IMMP2L: variants seen among roughly 807,000 people sequenced by gnomAD.
IMMP2L encodes the protein inner mitochondrial membrane peptidase subunit 2.
A neutral mutation model predicts 19.3 loss-of-function variants in IMMP2L; 18 were observed. The ratio of observed to expected loss-of-function variants is 0.93; its 90% CI spans 0.64 to 1.38. IMMP2L has a LOEUF of 1.38. Ranked by LOEUF, IMMP2L falls within the 40% of genes most tolerant of loss-of-function variation. IMMP2L has a pLI of 0.00. For synonymous variants in IMMP2L, 76 were observed against 73.0 expected (o/e 1.04, Z -0.21); for missense variants, 233 against 218.2 (o/e 1.07, Z -0.43).
At chr7:111,258,820 T>C (rs1484527588) in intron 3 of IMMP2L, among the ~76,000 whole-genome samples, 3 of 152,090 alleles carry the variant, frequency 2.0e-5, no homozygotes, top group Non-Finnish European at 4.4e-5. Context: ...AAACATATTT[T>C]TGAAATAAAT....
At chr7:110,738,722 A>G (rs1796803293) in intron 5 of IMMP2L, among the ~76,000 whole-genome samples, 1 of 152,170 alleles carries the variant, frequency 6.6e-6, no homozygotes, top group African/African-American at 2.4e-5. Flanking sequence ...CTCAAAGAAC[A>G]CCTGGGAAAT....
chr7:110,852,718 C>T (rs989923168), intron 5 of IMMP2L, among the ~76,000 whole-genome samples: 1 of 151,968 alleles, frequency 6.6e-6, no homozygotes, highest in Non-Finnish European at 1.5e-5. Context: ...GTTCAGAGGG[C>T]CTGGATCATG....
intron 3 of IMMP2L, among the ~76,000 whole-genome samples, chr7:111,256,339 A>C (rs1453824539): frequency 6.6e-6 from 1 of 152,122 alleles, no homozygotes; most frequent in East Asian, 1.9e-4. Flanking sequence ...CATATGAACT[A>C]TAACAATTTT....
intron 3 of IMMP2L, among the ~76,000 whole-genome samples, chr7:111,130,338 G>A (rs1033612989): frequency 4.6e-5 from 7 of 152,092 alleles, no homozygotes; most frequent in African/African-American, 9.7e-5. Context: ...AAGAATTGTG[G>A]TTGACCTTAG....
intron 3 of IMMP2L, among the ~76,000 whole-genome samples, chr7:111,091,877 A>G (rs1453352985): frequency 6.6e-6 from 1 of 151,962 alleles, no homozygotes; most frequent in African/African-American, 2.4e-5. Context: ...GAAGACAGAG[A>G]GGAGACAGAG....
chr7:111,388,534 C>T (rs1052757405), intron 3 of IMMP2L, among the ~76,000 whole-genome samples: 6 of 151,920 alleles, frequency 3.9e-5, no homozygotes, highest in Non-Finnish European at 5.9e-5. Context: ...TGTATTAGTC[C>T]GTTTTCATGC....
chr7:111,373,352 T>C (rs755167270), intron 3 of IMMP2L, among the ~76,000 whole-genome samples: 56 of 152,048 alleles, frequency 3.7e-4, no homozygotes, highest in Non-Finnish European at 7.5e-4. Context: ...TTTTGAAAAC[T>C]GGATGAGATG....
intron 5 of IMMP2L, among the ~76,000 whole-genome samples, chr7:110,843,075 G>C (rs1024497316): frequency 6.6e-6 from 1 of 152,058 alleles, no homozygotes; most frequent in African/African-American, 2.4e-5. Flanking sequence ...GTATAGCTTT[G>C]TGCTGGTAAT....
chr7:111,011,349 C>A (rs776013906), intron 3 of IMMP2L, among the ~76,000 whole-genome samples: 21 of 152,086 alleles, frequency 1.4e-4, no homozygotes, highest in Non-Finnish European at 2.6e-4. Flanking sequence ...TTGCTCATGT[C>A]ATTCTAAAGC....
chr7:110,955,247 A>G (rs923007503), intron 4 of IMMP2L, among the ~76,000 whole-genome samples: 1 of 151,954 alleles, frequency 6.6e-6, no homozygotes, highest in Non-Finnish European at 1.5e-5. Context: ...TCCACCTACA[A>G]CTTTAGAAAA....
At chr7:111,372,434 T>C (rs1830335751) in intron 3 of IMMP2L, among the ~76,000 whole-genome samples, 1 of 151,978 alleles carries the variant, frequency 6.6e-6, no homozygotes, top group South Asian at 2.1e-4. Flanking sequence ...GGGCACATGA[T>C]AAATATTCCT....
chr7:111,126,906 C>T (rs1801371274), intron 3 of IMMP2L, among the ~76,000 whole-genome samples: 1 of 152,164 alleles, frequency 6.6e-6, no homozygotes, highest in African/African-American at 2.4e-5. Flanking sequence ...ATCAACATCT[C>T]ACTGGCCTAT....
At chr7:111,359,660 C>A (rs1278903341) in intron 3 of IMMP2L, among the ~76,000 whole-genome samples, 3 of 152,034 alleles carry the variant, frequency 2.0e-5, no homozygotes, top group Non-Finnish European at 4.4e-5. Flanking sequence ...ATAAAATGAG[C>A]AGCCACTACT....
intron 3 of IMMP2L, among the ~76,000 whole-genome samples, chr7:111,221,215 T>A (rs1201883721): frequency 6.6e-6 from 1 of 151,960 alleles, no homozygotes; most frequent in Non-Finnish European, 1.5e-5. Context: ...AAAATTTTAG[T>A]CACATTACCA....
At chr7:110,879,646 T>C (rs1404521879) in intron 5 of IMMP2L, among the ~76,000 whole-genome samples, 1 of 152,158 alleles carries the variant, frequency 6.6e-6, no homozygotes, top group South Asian at 2.1e-4. Flanking sequence ...TGTTTCACCA[T>C]GTATATAATA....
intron 4 of IMMP2L, among the ~76,000 whole-genome samples, chr7:110,949,053 G>T (rs1472231605): frequency 6.6e-6 from 1 of 152,114 alleles, no homozygotes; most frequent in East Asian, 1.9e-4. Flanking sequence ...TTACACCGTT[G>T]GCTTCCCTTG....
chr7:111,502,408 C>G (rs1444276026), intron 2 of IMMP2L, among the ~76,000 whole-genome samples: 1 of 152,098 alleles, frequency 6.6e-6, no homozygotes, highest in Non-Finnish European at 1.5e-5. Context: ...TTAGACAGAT[C>G]AACGAGACAG....
intron 1 of IMMP2L, among the ~76,000 whole-genome samples, chr7:111,554,271 G>C (rs1212730151): frequency 6.6e-6 from 1 of 152,032 alleles, no homozygotes; most frequent in Admixed American, 6.6e-5. Flanking sequence ...ATATCACAAG[G>C]GAGAAAATGC....
At chr7:110,992,065 T>A (rs1269011062) in intron 3 of IMMP2L, among the ~76,000 whole-genome samples, 1 of 152,186 alleles carries the variant, frequency 6.6e-6, no homozygotes, top group Non-Finnish European at 1.5e-5. Context: ...CCGTATTTCA[T>A]GTTTTTCATT....
Sources: gnomAD v4.1 joint callset for allele counts (sites outside exome capture counted in the v4.1 genomes callset) on GRCh38, gnomAD v4.1.1 for gene constraint, MANE v1.5 for transcripts, NCBI Gene and HGNC (gene_info 2026-07-23, HGNC 2026-07-21) for gene names.